LMO7: variants seen among roughly 807,000 people sequenced by gnomAD.
The protein encoded by LMO7 is LIM domain only protein 7.
In LMO7, 120 loss-of-function variants were observed where a neutral mutation model predicts 206.5. The observed-to-expected ratio is 0.58, with a 90% CI of 0.50 to 0.68. The LOEUF (loss-of-function observed/expected upper bound fraction) is 0.68, where lower values mean the gene tolerates loss of function less well. Among genes scored for constraint, LMO7 ranks in the 30% least tolerant of loss-of-function variants. LMO7 has a pLI of 0.00. For synonymous variants in LMO7, 706 were observed against 681.5 expected (o/e 1.04, Z -0.56); for missense variants, 1,959 against 1,957.9 (o/e 1.00, Z -0.01).
intron 1 of LMO7, among the ~76,000 whole-genome samples, chr13:75,692,720 T>A (rs988027527): frequency 6.6e-6 from 1 of 152,202 alleles, no homozygotes; most frequent in Admixed American, 6.5e-5. Flanking sequence ...TTTAGCTCTT[T>A]TAGTTTGGAG....
chr13:75,786,831 C>T (rs542034671), intron 4 of LMO7, among the ~76,000 whole-genome samples: 2 of 152,270 alleles, frequency 1.3e-5, no homozygotes, highest in East Asian at 3.9e-4. Flanking sequence ...TTTACCTACT[C>T]AACATTTTTA....
intron 3 of LMO7, among the ~76,000 whole-genome samples, chr13:75,731,258 G>T (rs892779681): frequency 6.6e-6 from 1 of 152,170 alleles, no homozygotes; most frequent in Non-Finnish European, 1.5e-5. Flanking sequence ...TATTGTGTGG[G>T]AGTCTAAGTC....
chr13:75,681,519 A>T (rs2040479402), intron 1 of LMO7, among the ~76,000 whole-genome samples: 2 of 151,752 alleles, frequency 1.3e-5, no homozygotes, highest in African/African-American at 4.8e-5. Flanking sequence ...TGTAACTGTC[A>T]GTCCAACAGA....
intron 15 of LMO7, among the ~76,000 whole-genome samples, chr13:75,828,723 G>A (rs2058361384): frequency 6.6e-6 from 1 of 152,184 alleles, no homozygotes; most frequent in Admixed American, 6.5e-5. Context: ...AAGGGCTGGA[G>A]GCAAGAGAGT....
At chr13:75,623,183 G>T (rs1379190067) in intron 1 of LMO7, 2 of 684,780 alleles carry the variant, frequency 2.9e-6, no homozygotes, top group Non-Finnish European at 2.6e-6. Flanking sequence ...TAAAATATTT[G>T]TTGTTGCTCA....
intron 1 of LMO7, among the ~76,000 whole-genome samples, chr13:75,638,215 G>A (rs995576394): frequency 1.3e-5 from 2 of 152,096 alleles, no homozygotes; most frequent in Admixed American, 6.6e-5. Context: ...TTGCATCTGC[G>A]TGCTTTGTAT....
chr13:75,818,793 T>C (rs1188181073), intron 12 of LMO7, among the ~76,000 whole-genome samples: 3 of 152,218 alleles, frequency 2.0e-5, no homozygotes, highest in African/African-American at 7.2e-5. Flanking sequence ...AGGACCCCAC[T>C]GTCTCATGCA....
At chr13:75,760,574 G>A in intron 3 of LMO7, 1 of 1,353,672 alleles carries the variant, frequency 7.4e-7, no homozygotes, top group Non-Finnish European at 9.5e-7. Context: ...GGCTTGCCGT[G>A]CAAAGCTGGA....
chr13:75,660,643 G>A (rs773438573), intron 1 of LMO7, among the ~76,000 whole-genome samples: 1 of 152,088 alleles, frequency 6.6e-6, no homozygotes, highest in Non-Finnish European at 1.5e-5. Context: ...TGTTATTTCT[G>A]CTTTCTTTCA....
intron 2 of LMO7, among the ~76,000 whole-genome samples, chr13:75,623,920 C>G (rs1206245255): frequency 1.3e-5 from 2 of 152,174 alleles, no homozygotes; most frequent in African/African-American, 4.8e-5. Context: ...TGCATAATAA[C>G]CAGGTGTCTT....
At chr13:75,830,074 CATT>C (rs1156877854) in intron 15 of LMO7, among the ~76,000 whole-genome samples, 1 of 152,144 alleles carries the variant, frequency 6.6e-6, no homozygotes, top group Non-Finnish European at 1.5e-5. Context: ...ATGATTCTGT[CATT>C]ATTATCTTCT....
intron 3 of LMO7, among the ~76,000 whole-genome samples, chr13:75,736,481 G>A (rs2045831534): frequency 6.6e-6 from 1 of 152,218 alleles, no homozygotes; most frequent in African/African-American, 2.4e-5. Context: ...GGTCTGACAT[G>A]CAGATAGTCA....
At chr13:75,658,890 T>C (rs2038309342) in intron 1 of LMO7, among the ~76,000 whole-genome samples, 1 of 152,132 alleles carries the variant, frequency 6.6e-6, no homozygotes, top group Middle Eastern at 3.2e-3. Context: ...CACCCAGCTT[T>C]CAGCTATATC....
In LMO7 at chr13:75,821,206, C is replaced by T. The variant is rs76082815; in HGVS notation, c.2237C>T (p.Pro746Leu). 7.8e-3 allele frequency: 12,618 copies of T among 1,609,896 alleles called. 407 individuals carry two copies. The East Asian group carries it at 0.099, about 13-fold the overall frequency. ...RESQNQKSTV[P>L]SRRRMYSFDD... ...TCCCAAAATCAAAAGTCTACAGTTC[C>T]GTCAAGAAGGAGAATGTATTCTTTT... Residue 746 changes from proline (P) to leucine (L), a missense_variant, in exon 14 of 31, where the codon CCG (proline) becomes CTG (leucine). Transcript: ENST00000377534.
chr13:75,679,836 C>T lies in LMO7; in HGVS notation c.70-33346C>T, dbSNP rs182111081. Among the ~76,000 whole-genome samples, 472 of 152,294 alleles carry T rather than the reference C, an allele frequency of 3.1e-3. 4 individuals carry two copies. Among genetic ancestry groups the T allele is most frequent in the African/African-American group, 0.011 (450 of 41,560 alleles). On this transcript the variant is annotated intron_variant, in intron 1 of 30. Transcript: ENST00000377534. ...ACCCAAGTGATCCGCCTGCCTTGGC[C>T]TCTCAAAGTGCTGGGATTACAGGTG...
intron 3 of LMO7, among the ~76,000 whole-genome samples, chr13:75,752,118 G>T (rs970305759): frequency 5.9e-5 from 9 of 151,838 alleles, no homozygotes; most frequent in Admixed American, 4.6e-4. Context: ...ACTTGTTAAA[G>T]AACATTTTAT....
At chr13:75,727,150 A>G in intron 3 of LMO7, 52 bp downstream of exon 3, 1 of 1,222,214 alleles carries the variant, frequency 8.2e-7, no homozygotes, top group Non-Finnish European at 1.2e-6. Flanking sequence ...TGAAATGTAA[A>G]GAGGTGGGCA....
intron 2 of LMO7, chr13:75,627,068 TTCCTC>T (rs2034293246): frequency 6.6e-6 from 1 of 152,176 alleles, no homozygotes; most frequent in Non-Finnish European, 1.5e-5. Flanking sequence ...TATGGGTTGT[TTCCTC>T]TCTGAGTCCA....
upstream of LMO7, among the ~76,000 whole-genome samples, chr13:75,634,321 G>A (rs376821752): frequency 1.6e-4 from 25 of 151,878 alleles, no homozygotes; most frequent in Non-Finnish European, 2.2e-4. Context: ...GCCTGTAGTC[G>A]CAGCTACTTG....
Sources: allele counts gnomAD v4.1 joint callset (sites outside exome capture counted in the v4.1 genomes callset), GRCh38; gene constraint gnomAD v4.1.1; transcripts MANE v1.5; gene names NCBI Gene and HGNC (gene_info 2026-07-23, HGNC 2026-07-21).